Variants in TSHR observed in about 807,000 individuals in gnomAD.
The protein encoded by TSHR is thyrotropin receptor.
In TSHR, 51 loss-of-function variants were observed where a neutral mutation model predicts 64.1. That is an observed-to-expected ratio of 0.80 (90% CI 0.64 to 1.01). The LOEUF is 1.01. Among genes scored for constraint, TSHR ranks in the 50% least tolerant of loss-of-function variants. The probability of loss-of-function intolerance (pLI) is 0.00; values close to 1 mark genes in which losing one functional copy is unlikely to be tolerated. For synonymous variants in TSHR, 361 were observed against 361.9 expected (o/e 1.00, Z 0.03); for missense variants, 877 against 942.8 (o/e 0.93, Z 0.91).
intron 1 of TSHR, chr14:81,049,866 T>C (rs1397001996): frequency 6.6e-6 from 1 of 152,206 alleles, no homozygotes; most frequent in Admixed American, 6.6e-5. Context: ...AGGTGCTTGT[T>C]TGCCCTTCAC....
intron 3 of TSHR, among the ~76,000 whole-genome samples, chr14:81,069,681 T>C (rs1886920418): frequency 6.6e-6 from 1 of 152,172 alleles, no homozygotes; most frequent in African/African-American, 2.4e-5. Context: ...TCCAGGATTT[T>C]GGTTGAGATC....
intron 1 of TSHR, among the ~76,000 whole-genome samples, chr14:80,999,933 T>A (rs921678976): frequency 1.3e-5 from 2 of 149,118 alleles, no homozygotes; most frequent in Non-Finnish European, 3.0e-5. Flanking sequence ...TTTCTTTTTT[T>A]TCTTTTTTTT....
At chr14:81,014,178 T>C (rs1218419905) in intron 1 of TSHR, 3 of 152,204 alleles carry the variant, frequency 2.0e-5, no homozygotes, top group African/African-American at 7.2e-5. Context: ...CATTCGCTTG[T>C]AGTCTTGAAG....
At chr14:81,120,835 G>A (rs951896114) in intron 8 of TSHR, among the ~76,000 whole-genome samples, 1 of 152,092 alleles carries the variant, frequency 6.6e-6, no homozygotes. Context: ...TATCCTCAGA[G>A]AGACAATGTT....
intron 1 of TSHR, among the ~76,000 whole-genome samples, chr14:81,044,849 C>T (rs2139853872): frequency 6.6e-6 from 1 of 152,218 alleles, no homozygotes; most frequent in African/African-American, 2.4e-5. Flanking sequence ...GGTGATTCCT[C>T]AACAATGTAG....
chr14:81,007,987 T>G (rs543305730), intron 1 of TSHR, among the ~76,000 whole-genome samples: 6 of 152,310 alleles, frequency 3.9e-5, no homozygotes, highest in African/African-American at 1.4e-4. Context: ...TGATCAGCCT[T>G]GGACAGATCA....
chr14:81,122,989 C>T (rs7155361), intron 8 of TSHR, among the ~76,000 whole-genome samples: 13,111 of 151,916 alleles, frequency 0.086, 718 homozygotes, highest in South Asian at 0.13. Flanking sequence ...TAGCTAGGCG[C>T]GGTGGCAGGC....
At chr14:80,965,589 G>C (rs920746047) in intron 1 of TSHR, among the ~76,000 whole-genome samples, 1 of 151,920 alleles carries the variant, frequency 6.6e-6, no homozygotes. Context: ...TACTGAAGCT[G>C]GTCAACATAC....
intron 1 of TSHR, among the ~76,000 whole-genome samples, chr14:81,038,058 T>C (rs1241858171): frequency 6.6e-6 from 1 of 152,044 alleles, no homozygotes; most frequent in African/African-American, 2.4e-5. Context: ...CATTGAATTT[T>C]CTCCAGAATA....
chr14:81,104,356 C>T lies in TSHR; in HGVS notation c.615-4019C>T, dbSNP rs893212708. The T allele has an allele frequency of 5.1e-6, 5 of 985,276 alleles. No homozygotes were observed. In the African/African-American group the frequency reaches 5.2e-5, roughly 10 times the overall value. 61.0% of individuals were successfully genotyped at this position (985,276 alleles called of 1,614,324 possible). ...GTCTCACAACATAATCAAGGCCCAG[C>T]CCAAGTTCCCCATAAAGGGACTGTG... On this transcript the variant is annotated intron_variant, in intron 7 of 9. Coordinates refer to ENST00000298171, the MANE Select transcript of TSHR (RefSeq NM_000369.5).
chr14:81,134,960 A>G (rs967880232), intron 8 of TSHR, among the ~76,000 whole-genome samples: 1 of 152,216 alleles, frequency 6.6e-6, no homozygotes, highest in African/African-American at 2.4e-5. Flanking sequence ...TCCAGAAGTA[A>G]TAACAAGTCA....
chr14:81,091,233 T>C, intron 5 of TSHR, 90 bp downstream of exon 5: 2 of 1,172,222 alleles, frequency 1.7e-6, no homozygotes, highest in East Asian at 2.3e-5. Context: ...TGAAGATAAG[T>C]AAAGCAATTG....
At chr14:81,096,131 C>A (rs1181716829) in intron 6 of TSHR, among the ~76,000 whole-genome samples, 1 of 151,600 alleles carries the variant, frequency 6.6e-6, no homozygotes, top group Non-Finnish European at 1.5e-5. Flanking sequence ...CAGCCCATAA[C>A]CCTTAAACAT....
chr14:80,988,728 C>A (rs1338973661), intron 1 of TSHR, among the ~76,000 whole-genome samples: 1 of 152,074 alleles, frequency 6.6e-6, no homozygotes, highest in Non-Finnish European at 1.5e-5. Context: ...TTTAATTCAC[C>A]CCTCTCATCT....
At chr14:80,959,267 G>A (rs1886888021) in intron 1 of TSHR, among the ~76,000 whole-genome samples, 1 of 152,124 alleles carries the variant, frequency 6.6e-6, no homozygotes, top group Non-Finnish European at 1.5e-5. Context: ...TCTTTGATGT[G>A]TAGGTAGTTT....
At chr14:81,125,422 T>C (rs1388003298) in intron 8 of TSHR, among the ~76,000 whole-genome samples, 1 of 152,066 alleles carries the variant, frequency 6.6e-6, no homozygotes, top group Non-Finnish European at 1.5e-5. Context: ...CCTGTGGAAG[T>C]AGTAGTAATA....
chr14:81,136,308 G>A (rs1442462972), intron 8 of TSHR, among the ~76,000 whole-genome samples: 1 of 152,234 alleles, frequency 6.6e-6, no homozygotes, highest in Admixed American at 6.5e-5. Context: ...GGACTAGAAA[G>A]CTTACACTGG....
chr14:81,079,329 G>C (rs570678236), intron 3 of TSHR, among the ~76,000 whole-genome samples: 1 of 152,090 alleles, frequency 6.6e-6, no homozygotes, highest in African/African-American at 2.4e-5. Flanking sequence ...AATGCCTTTT[G>C]TGGGCCAGCA....
At chr14:80,984,478 G>T (rs1384749226) in intron 1 of TSHR, among the ~76,000 whole-genome samples, 3 of 152,060 alleles carry the variant, frequency 2.0e-5, no homozygotes, top group Non-Finnish European at 4.4e-5. Flanking sequence ...ATTAGTCTGG[G>T]TACCCTCCAA....
Sources: gnomAD v4.1 joint callset for allele counts (sites outside exome capture counted in the v4.1 genomes callset) on GRCh38, gnomAD v4.1.1 for gene constraint, MANE v1.5 for transcripts, NCBI Gene and HGNC (gene_info 2026-07-23, HGNC 2026-07-21) for gene names.